Variants in TACC2 observed in about 807,000 individuals in gnomAD.
The protein encoded by TACC2 is transforming acidic coiled-coil containing protein 2, also known as transforming acidic coiled-coil-containing protein 2.
TACC2 carries 137 observed loss-of-function variants against 227.3 expected under a neutral mutation model. That is an observed-to-expected ratio of 0.60 (90% CI 0.52 to 0.69). The LOEUF is 0.69. Among genes scored for constraint, TACC2 ranks in the 30% least tolerant of loss-of-function variants. The pLI, the probability that TACC2 is intolerant of heterozygous loss-of-function variation, is 0.00. For missense variants in TACC2, 3,470 were observed against 3,694.4 expected (o/e 0.94, Z 1.57); for synonymous variants, 1,523 against 1,487.5 (o/e 1.02, Z -0.55).
In TACC2 at chr10:122,211,622, G is replaced by A; in HGVS notation, c.7197G>A (p.Glu2399=). The part of the protein sequence containing the change: ...SSPSKSPASF[E]IPASAMEANG... ...CTTCTAAATCCCCAGCCTCCTTTGA[G>A]ATCCCAGCCAGTGCTATGGAAGCCA... The change falls in exon 9 of 23, where the codon GAG becomes GAA. Residue 2399 remains glutamate (E), a synonymous_variant. Coordinates refer to ENST00000369005, the MANE Select transcript of TACC2 (RefSeq NM_206862.4). 1 of 1,613,404 alleles carries A rather than the reference G, an allele frequency of 6.2e-7. No homozygotes were observed. Among genetic ancestry groups the A allele is most frequent in the Non-Finnish European group, 8.5e-7 (1 of 1,179,716 alleles).
intron 5 of TACC2, among the ~76,000 whole-genome samples, chr10:122,106,896 G>C (rs1240549106): frequency 6.6e-6 from 1 of 152,214 alleles, no homozygotes. Flanking sequence ...CCCACATTCA[G>C]TGTGTGGCCA....
chr10:122,118,161 T>C (rs1244111535), intron 5 of TACC2, among the ~76,000 whole-genome samples: 4 of 151,984 alleles, frequency 2.6e-5, no homozygotes, highest in Non-Finnish European at 5.9e-5. Flanking sequence ...ACTACAGGCA[T>C]GTGCCACCAT....
At chr10:122,164,607 C>T (rs1353855992) in intron 7 of TACC2, among the ~76,000 whole-genome samples, 1 of 152,252 alleles carries the variant, frequency 6.6e-6, no homozygotes, top group Non-Finnish European at 1.5e-5. Context: ...AACCACAGAG[C>T]TAACGTGCTC....
intron 14 of TACC2, 94 bp from the exon 15 acceptor site, chr10:122,229,252 C>T: frequency 1.3e-6 from 2 of 1,488,452 alleles, no homozygotes; most frequent in Non-Finnish European, 1.8e-6. Flanking sequence ...GCAAAAATGT[C>T]CAGCAAATGG....
At chr10:122,171,249 C>T (rs556884523) in intron 7 of TACC2, among the ~76,000 whole-genome samples, 49 of 152,056 alleles carry the variant, frequency 3.2e-4, no homozygotes, top group South Asian at 1.0e-3. Context: ...TTTGCCTTTT[C>T]GTCTGCTTTC....
At position 122,083,385 on chromosome 10, in the gene TACC2, G is replaced by A. The variant is rs781422767; in HGVS notation, c.885G>A (p.Ala295=). The change falls in exon 4 of 23, where the codon GCG becomes GCA. Residue 295 remains alanine, a synonymous_variant. Coordinates refer to ENST00000369005, the MANE Select transcript of TACC2 (RefSeq NM_206862.4). ...ACAGAGAAAGAGGCCAAGGGGAGGC[G>A]CCGCCTCAGTATTTAACAGATGACT... ...ASDRERGQGE[A]PPQYLTDDLE... 31 of 1,613,786 alleles carry A rather than the reference G, an allele frequency of 1.9e-5. No individual in the cohort carries two copies. The highest frequency in any genetic ancestry group is 6.7e-5 in the Admixed American group (4 of 60,000).
chr10:122,087,189 A>C lies in TACC2; in HGVS notation c.4689A>C (p.Pro1563=), dbSNP rs1173096798. ...AATTAGCTTCAGGTCTTCCTTCACCAGCAGCTACTCAGGAGCTCCCTGTGG... is the reference window on the plus strand; with the variant it reads ...AATTAGCTTCAGGTCTTCCTTCACCCGCAGCTACTCAGGAGCTCCCTGTGG... ...RQELASGLPS[P]AATQELPVER... is the part of the protein sequence containing the mutation. The change falls in exon 4 of 23, where the codon CCA becomes CCC. Residue 1563 remains proline, a synonymous_variant. Transcript: ENST00000369005. 1 of 1,611,990 alleles carries C rather than the reference A, an allele frequency of 6.2e-7. No homozygotes were observed. The highest frequency in any genetic ancestry group is 8.5e-7 in the Non-Finnish European group (1 of 1,179,268).
chr10:122,093,890 T>G (rs1346250627), intron 5 of TACC2, among the ~76,000 whole-genome samples: 1 of 152,196 alleles, frequency 6.6e-6, no homozygotes, highest in Non-Finnish European at 1.5e-5. Flanking sequence ...AAGGAGGCAA[T>G]GCCCAAGATC....
chr10:122,136,766 C>G (rs761074953), intron 6 of TACC2, among the ~76,000 whole-genome samples: 1 of 152,064 alleles, frequency 6.6e-6, no homozygotes, highest in Non-Finnish European at 1.5e-5. Context: ...GATGGCCAGA[C>G]TAGTCTCAAA....
chr10:122,194,918 C>T lies in TACC2; in HGVS notation c.5835-122C>T. 1.0e-6 allele frequency: 1 copy of T among 953,186 alleles called. No homozygotes were observed. Among genetic ancestry groups the T allele is most frequent in the Non-Finnish European group, 1.6e-6 (1 of 624,680 alleles). 59.0% of individuals were successfully genotyped at this position (953,186 alleles called of 1,614,324 possible). ...AGAAAATGACTTTCCTCTCATCTGT[C>T]CCTGCACAGTTTAACTGAGCAGCGA... On this transcript the variant is annotated intron_variant, in intron 7 of 22. Coordinates refer to ENST00000369005, the MANE Select transcript of TACC2 (RefSeq NM_206862.4). This position sits in a 1 kb window ranked among gnomAD's most constrained non-coding sequence, Gnocchi z 4.4.
At chr10:122,202,804 C>T (rs937138600) in intron 8 of TACC2, among the ~76,000 whole-genome samples, 2 of 150,152 alleles carry the variant, frequency 1.3e-5, no homozygotes, top group South Asian at 2.2e-4. Flanking sequence ...GAGGACCCTG[C>T]GGCCTTCCGC....
At chr10:122,020,278 T>A (rs1957170048) in intron 1 of TACC2, among the ~76,000 whole-genome samples, 1 of 151,292 alleles carries the variant, frequency 6.6e-6, no homozygotes, top group South Asian at 2.1e-4. Flanking sequence ...TAATTTTAAA[T>A]GCATGCAGAT....
chr10:122,088,949 T>C (rs1244532680), intron 5 of TACC2, among the ~76,000 whole-genome samples: 4 of 152,004 alleles, frequency 2.6e-5, no homozygotes, highest in Non-Finnish European at 5.9e-5. Flanking sequence ...ACCCCATCTT[T>C]AGAAAAAATA....
intron 5 of TACC2, among the ~76,000 whole-genome samples, chr10:122,127,558 C>G (rs572753525): frequency 6.6e-6 from 1 of 152,258 alleles, no homozygotes; most frequent in Admixed American, 6.5e-5. Flanking sequence ...TGGGCTGGCC[C>G]CAGCAGCTGG....
At chr10:121,994,378 C>G (rs1953181532) in intron 1 of TACC2, among the ~76,000 whole-genome samples, 1 of 152,196 alleles carries the variant, frequency 6.6e-6, no homozygotes, top group African/African-American at 2.4e-5. Flanking sequence ...AGGTAGTTGA[C>G]ACTGGCTTCG....
chr10:122,176,117 C>CTCTCTATATATATA (rs1447382017), intron 7 of TACC2, among the ~76,000 whole-genome samples: 2 of 54,650 alleles, frequency 3.7e-5, no homozygotes, highest in Non-Finnish European at 6.9e-5. Flanking sequence ...CTCTCTCTCT[C>CTCTCTATATATATA]TATATATATA....
chr10:122,172,921 C>T (rs572879130), intron 7 of TACC2, among the ~76,000 whole-genome samples: 2 of 152,044 alleles, frequency 1.3e-5, no homozygotes, highest in East Asian at 1.9e-4. Flanking sequence ...CTGTGACTAG[C>T]GGAGTTTGTG....
rs917840702 is a variant in TACC2 at position 122,209,023 on chromosome 10, G to A, written c.5972-1374G>A. On this transcript the variant is annotated intron_variant, in intron 8 of 22. Coordinates refer to ENST00000369005, the MANE Select transcript of TACC2 (RefSeq NM_206862.4). This position sits in a 1 kb window ranked among gnomAD's most constrained non-coding sequence, Gnocchi z 4.5. ...GGGGCTGGCCGGATCCCCATGGGCA[G>A]TAGGGTGGTGGCACCTTTGAGCATC... is the stretch of plus-strand genomic sequence containing the variant. Among the ~76,000 whole-genome samples the A allele has an allele frequency of 2.0e-5, 3 of 152,266 alleles. No individual in the cohort carries two copies. The highest frequency in any genetic ancestry group is 4.4e-5 in the Non-Finnish European group (3 of 68,054).
chr10:122,175,673 A>G (rs1326997792), intron 7 of TACC2, among the ~76,000 whole-genome samples: 1 of 152,250 alleles, frequency 6.6e-6, no homozygotes, highest in Non-Finnish European at 1.5e-5. Context: ...AGGGGTGACC[A>G]GGTACGGACT....
Sources: gnomAD v4.1 joint callset for allele counts (sites outside exome capture counted in the v4.1 genomes callset) on GRCh38, gnomAD v4.1.1 for gene constraint, Gnocchi (gnomAD v3.1) non-coding constraint, MANE v1.5 for transcripts, NCBI Gene and HGNC (gene_info 2026-07-23, HGNC 2026-07-21) for gene names.